Variants in RYR2 observed in about 807,000 individuals in gnomAD.
The protein encoded by RYR2 is ryanodine receptor 2.
Under a neutral mutation model 601.1 loss-of-function variants are expected in RYR2, and 227 were observed. That is an observed-to-expected ratio of 0.38 (90% confidence interval 0.34 to 0.42). RYR2 has a LOEUF of 0.42. RYR2 is among the 10% of genes least tolerant of loss of function. The pLI, the probability that RYR2 is intolerant of heterozygous loss-of-function variation, is 1.00. For synonymous variants in RYR2, 2,223 were observed against 2,175.1 expected (o/e 1.02, Z -0.61); for missense variants, 4,646 against 6,156.5 (o/e 0.75, Z 8.21).
intron 4 of RYR2, among the ~76,000 whole-genome samples, chr1:237,358,402 G>A (rs1209990124): frequency 1.3e-5 from 2 of 151,944 alleles, no homozygotes; most frequent in African/African-American, 4.8e-5. Context: ...CTCAGGTGCT[G>A]TGGGAAGGAG....
At chr1:237,698,765 G>A (rs1326415345) in intron 63 of RYR2, among the ~76,000 whole-genome samples, 200 bp from the exon 64 acceptor site, 1 of 152,138 alleles carries the variant, frequency 6.6e-6, no homozygotes, top group African/African-American at 2.4e-5. Context: ...GATGAGACAT[G>A]CTTTATTGCT....
At chr1:237,427,333 C>G (rs898956152) in intron 12 of RYR2, among the ~76,000 whole-genome samples, 1 of 152,108 alleles carries the variant, frequency 6.6e-6, no homozygotes, top group African/African-American at 2.4e-5. Flanking sequence ...ATGGCCCACT[C>G]TATTTGCTTA....
chr1:237,380,817 C>G (rs1476007831), intron 8 of RYR2, among the ~76,000 whole-genome samples: 1 of 152,016 alleles, frequency 6.6e-6, no homozygotes, highest in East Asian at 1.9e-4. Flanking sequence ...GTGGCTCATG[C>G]CTGTAATCCC....
At chr1:237,208,006 G>A (rs1337029332) in intron 1 of RYR2, among the ~76,000 whole-genome samples, 3 of 152,192 alleles carry the variant, frequency 2.0e-5, no homozygotes, top group Non-Finnish European at 4.4e-5. Context: ...TCCAGGTGAG[G>A]CCCACACAGC....
chr1:237,302,720 C>G (rs1489741996), intron 2 of RYR2, among the ~76,000 whole-genome samples: 1 of 152,168 alleles, frequency 6.6e-6, no homozygotes, highest in Non-Finnish European at 1.5e-5. Flanking sequence ...GCTAAAATCC[C>G]AGCTCTATCA....
At chr1:237,617,191 T>C in intron 37 of RYR2, 95 bp from the exon 38 acceptor site, 1 of 1,115,022 alleles carries the variant, frequency 9.0e-7, no homozygotes, top group Non-Finnish European at 1.3e-6. Context: ...GAGAGAAGAG[T>C]AGGCAACTAA....
chr1:237,672,014 T>C (rs1684993120), intron 58 of RYR2, among the ~76,000 whole-genome samples: 1 of 152,204 alleles, frequency 6.6e-6, no homozygotes. Context: ...CTCACTCATT[T>C]ACCTCTCCAT....
At chr1:237,329,609 T>C (rs1416730081) in intron 2 of RYR2, among the ~76,000 whole-genome samples, 2 of 149,414 alleles carry the variant, frequency 1.3e-5, no homozygotes, top group Non-Finnish European at 3.0e-5. Flanking sequence ...ACCATCGCAC[T>C]CCACCCTGGG....
intron 70 of RYR2, among the ~76,000 whole-genome samples, chr1:237,709,846 T>C (rs1327479570): frequency 1.3e-5 from 2 of 152,216 alleles, no homozygotes; most frequent in Non-Finnish European, 2.9e-5. Flanking sequence ...TTTCCCTATC[T>C]CTTGGCATTT....
At chr1:237,388,242 T>C in intron 10 of RYR2, 59 bp downstream of exon 10, 3 of 1,390,848 alleles carry the variant, frequency 2.2e-6, no homozygotes, top group Non-Finnish European at 3.0e-6. Context: ...TGTAATGTTT[T>C]AAAAACTAGG....
intron 63 of RYR2, among the ~76,000 whole-genome samples, chr1:237,694,715 A>C (rs34189398): frequency 0.2 from 30,698 of 152,138 alleles, 4,011 homozygotes; most frequent in East Asian, 0.54. Context: ...GCTTTGAAAA[A>C]TGAATAGAAT....
chr1:237,776,570 C>T (rs888716040), intron 87 of RYR2, among the ~76,000 whole-genome samples: 1 of 152,098 alleles, frequency 6.6e-6, no homozygotes, highest in African/African-American at 2.4e-5. Context: ...GCAAGAACTC[C>T]CATCTGGATG....
At chr1:237,574,774 C>A (rs1469145928) in intron 29 of RYR2, among the ~76,000 whole-genome samples, 1 of 152,064 alleles carries the variant, frequency 6.6e-6, no homozygotes, top group Non-Finnish European at 1.5e-5. Context: ...GCCCAAGGAA[C>A]CAAATTCCAT....
chr1:237,194,273 A>G (rs1401699214), intron 1 of RYR2, among the ~76,000 whole-genome samples: 1 of 152,170 alleles, frequency 6.6e-6, no homozygotes, highest in Non-Finnish European at 1.5e-5. Flanking sequence ...AAATCTAGAG[A>G]AGAAAAGAGA....
intron 7 of RYR2, 52 bp downstream of exon 7, chr1:237,374,847 T>C (rs1219401294): frequency 9.1e-6 from 13 of 1,434,702 alleles, no homozygotes; most frequent in South Asian, 1.2e-5. Flanking sequence ...CCTGCAGGGG[T>C]TGGATTGGAA....
chr1:237,569,183 C>G lies in RYR2; in HGVS notation c.3462C>G (p.Arg1154=), dbSNP rs754610615. ...ATCAGGGCAATGAACACTATGGGCG[C>G]TCTTGGCAAGCAGGCGATGTCGTGG... ...RWHQGNEHYG[R]SWQAGDVVGC... The change falls in exon 29 of 105, where the codon CGC becomes CGG. Residue 1154 remains arginine (R), a synonymous_variant. Coordinates refer to ENST00000366574, the MANE Select transcript of RYR2 (RefSeq NM_001035.3). 1.2e-6 allele frequency: 2 copies of G among 1,613,864 alleles called. No homozygotes were observed. Among genetic ancestry groups the G allele is most frequent in the South Asian group, 2.2e-5 (2 of 91,076 alleles).
At chr1:237,519,600 T>TA (rs1307480935) in intron 24 of RYR2, among the ~76,000 whole-genome samples, 1 of 152,174 alleles carries the variant, frequency 6.6e-6, no homozygotes. Flanking sequence ...TGTAAGTATG[T>TA]AGCTTTATTT....
chr1:237,469,464 A>C (rs1660471484), intron 17 of RYR2, among the ~76,000 whole-genome samples: 1 of 152,076 alleles, frequency 6.6e-6, no homozygotes, highest in African/African-American at 2.4e-5. Context: ...TGTTTGGTGT[A>C]ATATAAGTGT....
chr1:237,518,092 T>C (rs1666736075), intron 24 of RYR2, among the ~76,000 whole-genome samples: 1 of 152,078 alleles, frequency 6.6e-6, no homozygotes, highest in African/African-American at 2.4e-5. Context: ...ACTTCTTTAT[T>C]TTCTTCCATT....
Sources: allele counts gnomAD v4.1 joint callset (sites outside exome capture counted in the v4.1 genomes callset), GRCh38; gene constraint gnomAD v4.1.1; transcripts MANE v1.5; gene names NCBI Gene and HGNC (gene_info 2026-07-23, HGNC 2026-07-21).